The following DPP10 variants were observed in gnomAD, a reference collection of about 807,000 sequenced individuals.
DPP10 encodes the protein inactive dipeptidyl peptidase 10.
In DPP10, 33 loss-of-function variants were observed where a neutral mutation model predicts 120.9. That is an observed-to-expected ratio of 0.27 (90% CI 0.21 to 0.37). DPP10 has a LOEUF of 0.37. Ranked by LOEUF, DPP10 falls within the 10% of genes least tolerant of loss-of-function variation. DPP10 has a pLI of 1.00. For missense variants in DPP10, 816 were observed against 942.8 expected, an observed-to-expected ratio of 0.87 and a Z score of 1.76; for synonymous variants, 337 against 326.1, an observed-to-expected ratio of 1.03 and a Z score of -0.36.
intron 17 of DPP10, 37 bp downstream of exon 17, chr2:115,782,436 T>G: frequency 6.4e-7 from 1 of 1,569,446 alleles, no homozygotes; most frequent in Non-Finnish European, 8.8e-7. Context: ...ATAGTTATGG[T>G]TGGCATTAGT....
At chr2:115,419,511 A>G (rs1401887798) in intron 3 of DPP10, among the ~76,000 whole-genome samples, 5 of 152,130 alleles carry the variant, frequency 3.3e-5, no homozygotes, top group Admixed American at 3.3e-4. Flanking sequence ...TTTACTCTTT[A>G]CTGCAGGGAA....
At chr2:115,158,287 G>A (rs79579875) in intron 1 of DPP10, among the ~76,000 whole-genome samples, 5,341 of 152,116 alleles carry the variant, frequency 0.035, 277 homozygotes, top group African/African-American at 0.11. Context: ...TTCATAACCC[G>A]TCCTCAATTA....
chr2:115,572,396 G>A (rs1405680985), intron 5 of DPP10, among the ~76,000 whole-genome samples: 1 of 151,952 alleles, frequency 6.6e-6, no homozygotes, highest in African/African-American at 2.4e-5. Flanking sequence ...CTGGAAATAT[G>A]GCCTGCCAAA....
At position 114,583,416 on chromosome 2, in the gene DPP10, A is replaced by G. The variant is rs373341761; in HGVS notation, c.60+140578A>G. ...CTTTTAAATAAAACTTTTTGTAAAA[A>G]TATCCCAACACAAACAATAAGATTA... On this transcript the variant is annotated intron_variant, in intron 1 of 25. Transcript: ENST00000410059. 3.3e-5 allele frequency among the ~76,000 whole-genome samples: 5 copies of G among 152,320 alleles called. No individual in the cohort carries two copies. In the East Asian group the frequency reaches 7.7e-4, roughly 23 times the overall value.
chr2:115,381,805 C>T (rs901381858), intron 3 of DPP10, among the ~76,000 whole-genome samples: 1 of 151,214 alleles, frequency 6.6e-6, no homozygotes, highest in Non-Finnish European at 1.5e-5. Flanking sequence ...TGTTGGAGTA[C>T]CCGGCCCTGT....
At chr2:115,023,905 G>C (rs893206093) in intron 1 of DPP10, among the ~76,000 whole-genome samples, 3 of 152,046 alleles carry the variant, frequency 2.0e-5, no homozygotes, top group African/African-American at 7.2e-5. Context: ...AAGTAACTCA[G>C]CAATAAAAAA....
At chr2:114,604,281 C>T (rs1338794065) in intron 1 of DPP10, among the ~76,000 whole-genome samples, 1 of 152,058 alleles carries the variant, frequency 6.6e-6, no homozygotes, top group Admixed American at 6.6e-5. Flanking sequence ...ATCCCACTTT[C>T]CAGACCTAGC....
intron 17 of DPP10, among the ~76,000 whole-genome samples, chr2:115,786,301 A>G (rs901113347): frequency 6.6e-6 from 1 of 152,218 alleles, no homozygotes; most frequent in South Asian, 2.1e-4. Context: ...AACATTGTTC[A>G]TCATAGCTGG....
At chr2:115,801,844 A>C (rs1468305604) in intron 19 of DPP10, among the ~76,000 whole-genome samples, 2 of 152,180 alleles carry the variant, frequency 1.3e-5, no homozygotes, top group Admixed American at 1.3e-4. Flanking sequence ...CCAGTATTTT[A>C]TTGAGGATTT....
chr2:115,025,881 C>T (rs1255509192), intron 1 of DPP10, among the ~76,000 whole-genome samples: 1 of 151,374 alleles, frequency 6.6e-6, no homozygotes, highest in Admixed American at 6.6e-5. Flanking sequence ...TGTTTGTTTG[C>T]TATTGAGTTT....
chr2:114,688,233 T>A (rs974768823), intron 1 of DPP10, among the ~76,000 whole-genome samples: 2 of 151,950 alleles, frequency 1.3e-5, no homozygotes, highest in Admixed American at 6.6e-5. Context: ...CTGTGGAAAG[T>A]CACAGAGATA....
intron 1 of DPP10, among the ~76,000 whole-genome samples, chr2:115,049,082 AT>A (rs35419429): frequency 5.3e-5 from 8 of 152,062 alleles, no homozygotes; most frequent in Admixed American, 3.3e-4. Flanking sequence ...TAAAAGAACA[AT>A]TTTTTAATAC....
intron 1 of DPP10, among the ~76,000 whole-genome samples, chr2:115,301,020 T>G (rs2105975287): frequency 6.6e-6 from 1 of 152,132 alleles, no homozygotes; most frequent in South Asian, 2.1e-4. Flanking sequence ...TAAGATTTTC[T>G]CAGGCATTTT....
chr2:115,652,703 T>C (rs1268551425), intron 5 of DPP10, among the ~76,000 whole-genome samples: 1 of 151,804 alleles, frequency 6.6e-6, no homozygotes, highest in East Asian at 1.9e-4. Flanking sequence ...TCGAGAACAG[T>C]TGGGCAGAGA....
At chr2:114,763,518 T>TA (rs1211173178) in intron 1 of DPP10, among the ~76,000 whole-genome samples, 1 of 152,210 alleles carries the variant, frequency 6.6e-6, no homozygotes, top group African/African-American at 2.4e-5. Flanking sequence ...TCTCCTGGTT[T>TA]AAAGTATGTT....
chr2:114,798,634 G>T (rs1343306721), intron 1 of DPP10, among the ~76,000 whole-genome samples: 1 of 152,128 alleles, frequency 6.6e-6, no homozygotes, highest in African/African-American at 2.4e-5. Flanking sequence ...AGGAGGGCAG[G>T]CACCCTTAAA....
chr2:115,788,871 C>T (rs1044558402), intron 17 of DPP10, among the ~76,000 whole-genome samples: 1 of 152,172 alleles, frequency 6.6e-6, no homozygotes, highest in African/African-American at 2.4e-5. Context: ...AATCCCAGCA[C>T]TTTGGGAGGC....
chr2:115,216,354 T>C (rs2056818858), intron 1 of DPP10, among the ~76,000 whole-genome samples: 1 of 152,152 alleles, frequency 6.6e-6, no homozygotes, highest in Non-Finnish European at 1.5e-5. Context: ...TTTCAGCTGA[T>C]GTTTACATGG....
At chr2:115,019,949 C>T (rs1055294169) in intron 1 of DPP10, among the ~76,000 whole-genome samples, 4 of 152,148 alleles carry the variant, frequency 2.6e-5, no homozygotes, top group African/African-American at 7.2e-5. Context: ...ACAGTCTTTT[C>T]CCAGTAAACA....
Sources: gnomAD v4.1 joint callset for allele counts (sites outside exome capture counted in the v4.1 genomes callset) on GRCh38, gnomAD v4.1.1 for gene constraint, MANE v1.5 for transcripts, NCBI Gene and HGNC (gene_info 2026-07-23, HGNC 2026-07-21) for gene names.